The following MECOM variants were observed in gnomAD, a reference collection of about 807,000 sequenced individuals.
MECOM encodes the protein MDS1 and EVI1 complex locus, also known as histone-lysine N-methyltransferase MECOM.
Under a neutral mutation model 116.3 loss-of-function variants are expected in MECOM, and 13 were observed. The observed-to-expected ratio is 0.11, with a 90% CI of 0.07 to 0.18. MECOM has a LOEUF of 0.18. Ranked by LOEUF, MECOM falls within the 10% of genes least tolerant of loss-of-function variation. The pLI is 1.00. For synonymous variants in MECOM, 528 were observed against 535.2 expected (o/e 0.99, Z 0.19); for missense variants, 1,299 against 1,509.0 (o/e 0.86, Z 2.31).
chr3:169,571,930 T>C (rs1294633789), intron 1 of MECOM, among the ~76,000 whole-genome samples: 2 of 152,026 alleles, frequency 1.3e-5, no homozygotes, highest in East Asian at 3.9e-4. Flanking sequence ...ATAGGCATGG[T>C]CAAAGACTTC....
intron 2 of MECOM, among the ~76,000 whole-genome samples, chr3:169,336,961 T>C (rs553526353): frequency 6.6e-6 from 1 of 152,256 alleles, no homozygotes; most frequent in African/African-American, 2.4e-5. Context: ...AGAAATTCAA[T>C]GCAAGATACT....
chr3:169,479,422 G>A (rs1325399568), intron 1 of MECOM, among the ~76,000 whole-genome samples: 1 of 152,070 alleles, frequency 6.6e-6, no homozygotes, highest in South Asian at 2.1e-4. Context: ...GAAGCCCAGT[G>A]TGGCTGGAGC....
At chr3:169,491,484 A>G (rs964063358) in intron 1 of MECOM, among the ~76,000 whole-genome samples, 2 of 152,228 alleles carry the variant, frequency 1.3e-5, no homozygotes, top group Admixed American at 1.3e-4. Flanking sequence ...AAAAGGCACT[A>G]TAAAACAGAA....
At chr3:169,485,068 C>T (rs1283718931) in intron 1 of MECOM, among the ~76,000 whole-genome samples, 1 of 152,120 alleles carries the variant, frequency 6.6e-6, no homozygotes, top group African/African-American at 2.4e-5. Context: ...GATATCGGCT[C>T]ACTGCAACCT....
At chr3:169,248,470 G>A (rs1466854470) in intron 2 of MECOM, among the ~76,000 whole-genome samples, 1 of 152,168 alleles carries the variant, frequency 6.6e-6, no homozygotes, top group Non-Finnish European at 1.5e-5. Flanking sequence ...GGTATAACAT[G>A]TTCAGGGATG....
chr3:169,434,598 T>C (rs1387449636), intron 1 of MECOM, among the ~76,000 whole-genome samples: 1 of 152,308 alleles, frequency 6.6e-6, no homozygotes, highest in East Asian at 1.9e-4. Context: ...TTTATTTCTA[T>C]AGCAAGTGTC....
intron 1 of MECOM, among the ~76,000 whole-genome samples, chr3:169,487,205 A>G (rs1752485715): frequency 6.6e-6 from 1 of 152,222 alleles, no homozygotes; most frequent in Admixed American, 6.5e-5. Context: ...AAGAAGAATA[A>G]TATTGAACCC....
intron 12 of MECOM, among the ~76,000 whole-genome samples, chr3:169,099,606 C>T (rs1248218764): frequency 2.2e-5 from 2 of 89,812 alleles, no homozygotes; most frequent in East Asian, 3.2e-4. Context: ...TCTTATTTTA[C>T]CATTAAAAAA....
chr3:169,571,559 G>T (rs1763909980), intron 1 of MECOM, among the ~76,000 whole-genome samples: 1 of 152,142 alleles, frequency 6.6e-6, no homozygotes, highest in African/African-American at 2.4e-5. Flanking sequence ...AAAGAACAAA[G>T]CTGGAGGCAT....
intron 2 of MECOM, among the ~76,000 whole-genome samples, chr3:169,321,205 G>A (rs984775054): frequency 6.6e-6 from 1 of 152,212 alleles, no homozygotes; most frequent in Non-Finnish European, 1.5e-5. Context: ...TACATTAAAA[G>A]TAAATTGTGA....
At chr3:169,644,742 A>C (rs1773944749) in intron 1 of MECOM, among the ~76,000 whole-genome samples, 1 of 152,202 alleles carries the variant, frequency 6.6e-6, no homozygotes, top group African/African-American at 2.4e-5. Flanking sequence ...AACAAAACAA[A>C]GGGGCAATTA....
intron 14 of MECOM, 118 bp downstream of exon 14, chr3:169,092,840 A>G (rs1005851822): frequency 3.5e-6 from 4 of 1,132,974 alleles, no homozygotes; most frequent in Non-Finnish European, 5.1e-6. Context: ...TACTAAATAT[A>G]TACCAGTCTT....
intron 1 of MECOM, among the ~76,000 whole-genome samples, chr3:169,564,167 A>AT (rs1457983950): frequency 3.3e-5 from 5 of 152,194 alleles, no homozygotes; most frequent in Non-Finnish European, 7.3e-5. Context: ...GGTAATTAAT[A>AT]TTTTTTTAAA....
chr3:169,340,036 C>T (rs575889347), intron 2 of MECOM, among the ~76,000 whole-genome samples: 103 of 152,262 alleles, frequency 6.8e-4, no homozygotes, highest in Non-Finnish European at 1.1e-3. Context: ...AGCTGGAACA[C>T]GTAAACACTG....
intron 2 of MECOM, among the ~76,000 whole-genome samples, chr3:169,196,469 G>C (rs1748423152): frequency 1.3e-5 from 2 of 151,916 alleles, no homozygotes; most frequent in African/African-American, 4.8e-5. Context: ...TTAACATGAG[G>C]CATGTGTTTT....
chr3:169,112,811 A>G lies in MECOM; in HGVS notation c.2553T>C (p.Ser851=), dbSNP rs1727868005. ...CTTGTGGGTGAAACAAGAATCCTGG[A>G]GAAGGCCTCAAGTATTTCTCTTTTA... ...EALKEKYLRP[S]PGFLFHPQFQ... Residue 851 remains serine, a synonymous_variant, in exon 9 of 17, where the codon TCT becomes TCC. Coordinates refer to ENST00000651503, the MANE Select transcript of MECOM (RefSeq NM_004991.4). 1 of 1,613,088 alleles carries G rather than the reference A, an allele frequency of 6.2e-7. No homozygotes were observed. The highest frequency in any genetic ancestry group is 1.3e-5 in the African/African-American group (1 of 75,014).
In MECOM at chr3:169,120,487, T is replaced by A. The variant is rs142685921; in HGVS notation, c.1132+569A>T. Among the ~76,000 whole-genome samples the A allele has an allele frequency of 2.2e-3, 328 of 152,234 alleles. 1 individual carries two copies. Among genetic ancestry groups the A allele is most frequent in the South Asian group, 0.016 (77 of 4,824 alleles). On this transcript the variant is annotated intron_variant, in intron 7 of 16. Transcript: ENST00000651503. ...CATGTCCAGCATCTAAGTGAAAATG[T>A]TCTGCTTTTCTTCAAGTAACAGAGA...
intron 16 of MECOM, among the ~76,000 whole-genome samples, chr3:169,085,838 T>C (rs1252684322): frequency 6.6e-6 from 1 of 152,238 alleles, no homozygotes; most frequent in Non-Finnish European, 1.5e-5. Flanking sequence ...CCCTATTTAC[T>C]GCCAAGCAAA....
intron 2 of MECOM, among the ~76,000 whole-genome samples, chr3:169,149,017 C>T (rs955412089): frequency 3.3e-5 from 5 of 151,320 alleles, no homozygotes; most frequent in African/African-American, 1.2e-4. Context: ...CCTTTAAGAG[C>T]TCCTGGTTCG....
Sources: gnomAD v4.1 joint callset for allele counts (sites outside exome capture counted in the v4.1 genomes callset) on GRCh38, gnomAD v4.1.1 for gene constraint, MANE v1.5 for transcripts, NCBI Gene and HGNC (gene_info 2026-07-23, HGNC 2026-07-21) for gene names.